Variants in STK32B observed in about 807,000 individuals in gnomAD.
STK32B encodes serine/threonine-protein kinase 32B.
In STK32B, 43 loss-of-function variants were observed where a neutral mutation model predicts 52.6. The ratio of observed to expected loss-of-function variants is 0.82; its 90% CI spans 0.64 to 1.05. STK32B has a LOEUF of 1.05. Ranked by LOEUF, STK32B falls within the 50% of genes least tolerant of loss-of-function variation. The probability of loss-of-function intolerance (pLI) is 0.00; values close to 1 mark genes in which losing one functional copy is unlikely to be tolerated. For missense variants in STK32B, 621 were observed against 534.6 expected (o/e 1.16, Z -1.59); for synonymous variants, 238 against 204.3 (o/e 1.17, Z -1.41).
At chr4:5,164,795 G>T (rs1026655771) in intron 2 of STK32B, among the ~76,000 whole-genome samples, 8 of 152,192 alleles carry the variant, frequency 5.3e-5, no homozygotes, top group African/African-American at 1.9e-4. Context: ...CAAACTCTCT[G>T]TGACTCTGTG....
intron 3 of STK32B, among the ~76,000 whole-genome samples, chr4:5,212,579 G>A (rs569940949): frequency 6.6e-6 from 1 of 152,216 alleles, no homozygotes. Flanking sequence ...CGTGAAGTCA[G>A]AATGCCCTCC....
intron 3 of STK32B, among the ~76,000 whole-genome samples, chr4:5,183,752 C>T (rs574714977): frequency 2.0e-4 from 31 of 152,316 alleles, no homozygotes; most frequent in African/African-American, 7.5e-4. Flanking sequence ...CTTGCTACAG[C>T]TTCTCCATCA....
intron 3 of STK32B, among the ~76,000 whole-genome samples, chr4:5,191,696 T>A (rs1315558539): frequency 6.6e-6 from 1 of 152,218 alleles, no homozygotes; most frequent in East Asian, 1.9e-4. Flanking sequence ...ACCCGCAGCC[T>A]GCTTCGTCGG....
At chr4:5,440,159 A>G (rs1714579197) in intron 6 of STK32B, among the ~76,000 whole-genome samples, 1 of 152,150 alleles carries the variant, frequency 6.6e-6, no homozygotes, top group South Asian at 2.1e-4. Context: ...TGGTAGCTTG[A>G]TGGGGATGGC....
At chr4:5,218,591 C>T (rs982498552) in intron 3 of STK32B, among the ~76,000 whole-genome samples, 3 of 152,310 alleles carry the variant, frequency 2.0e-5, no homozygotes, top group Admixed American at 6.5e-5. Flanking sequence ...GTTCTCATTC[C>T]AGACATGCTG....
chr4:5,212,872 G>A (rs767959258), intron 3 of STK32B, among the ~76,000 whole-genome samples: 7 of 152,038 alleles, frequency 4.6e-5, no homozygotes, highest in Non-Finnish European at 7.4e-5. Context: ...TGACCCTGGC[G>A]GAGATAAATC....
intron 6 of STK32B, among the ~76,000 whole-genome samples, chr4:5,441,356 T>G (rs1002452195): frequency 6.6e-6 from 1 of 151,140 alleles, no homozygotes; most frequent in Admixed American, 6.6e-5. Flanking sequence ...GTCCAGGAAT[T>G]TATCCATTTC....
intron 3 of STK32B, among the ~76,000 whole-genome samples, chr4:5,269,989 A>C (rs920275169): frequency 1.3e-5 from 2 of 152,202 alleles, no homozygotes; most frequent in African/African-American, 2.4e-5. Flanking sequence ...GTATATATAC[A>C]AACTGAAAGA....
rs144600728 is a variant in STK32B, at chr4:5,190,053, G to A, written c.260+21603G>A. ...GAGAGCGTACATGATCAGCTCACTT[G>A]GTTACTCACTCACACCGACCCACAC... On this transcript the variant is annotated intron_variant, in intron 3 of 11. Coordinates refer to ENST00000282908, the MANE Select transcript of STK32B (RefSeq NM_018401.3). Among the ~76,000 whole-genome samples the A allele has an allele frequency of 5.6e-4, 85 of 152,144 alleles. 1 individual carries two copies. The Middle Eastern group carries it at 0.017, about 30-fold the overall frequency.
intron 11 of STK32B, among the ~76,000 whole-genome samples, chr4:5,492,504 A>G (rs1367906399): frequency 1.3e-5 from 2 of 151,924 alleles, no homozygotes; most frequent in Non-Finnish European, 2.9e-5. Flanking sequence ...CTAGATATAC[A>G]ATCATGTCGT....
chr4:5,199,733 T>C (rs1437275298), intron 3 of STK32B, among the ~76,000 whole-genome samples: 1 of 152,182 alleles, frequency 6.6e-6, no homozygotes. Flanking sequence ...TCTTTAAATG[T>C]GCTGTACATT....
intron 3 of STK32B, among the ~76,000 whole-genome samples, chr4:5,295,358 C>T (rs1729129932): frequency 6.6e-6 from 1 of 152,046 alleles, no homozygotes; most frequent in African/African-American, 2.4e-5. Flanking sequence ...GTACCAGTTC[C>T]TTTTTATACC....
intron 3 of STK32B, among the ~76,000 whole-genome samples, chr4:5,309,145 C>T (rs1730121397): frequency 6.6e-6 from 1 of 151,816 alleles, no homozygotes; most frequent in Admixed American, 6.6e-5. Flanking sequence ...ATTTCATTTG[C>T]AATAGCTACA....
At chr4:5,270,645 G>A (rs534821273) in intron 3 of STK32B, among the ~76,000 whole-genome samples, 1 of 152,268 alleles carries the variant, frequency 6.6e-6, no homozygotes, top group African/African-American at 2.4e-5. Flanking sequence ...CTGAGATCTG[G>A]AACAAATATC....
rs889596965 is a variant in STK32B at position 5,400,196 on chromosome 4, C to G, written c.472+1952C>G. Among the ~76,000 whole-genome samples, 8 of 152,206 alleles carry G rather than the reference C, an allele frequency of 5.3e-5. No homozygotes were observed. Among genetic ancestry groups the G allele is most frequent in the African/African-American group, 1.9e-4 (8 of 41,450 alleles). On this transcript the variant is annotated intron_variant, in intron 5 of 11. Coordinates refer to ENST00000282908, the MANE Select transcript of STK32B (RefSeq NM_018401.3). This position sits in a 1 kb window ranked among gnomAD's most constrained non-coding sequence, Gnocchi z 6.1. ...TCCTCACAGACCTTGGCCACAGCTC[C>G]CCTGAAGCTGCTGCACAAAAGATAT...
chr4:5,069,084 G>A (rs1390818380), intron 1 of STK32B, among the ~76,000 whole-genome samples: 4 of 152,114 alleles, frequency 2.6e-5, no homozygotes, highest in African/African-American at 4.8e-5. Context: ...ATGAGCAGTA[G>A]TGCTGCATGG....
intron 2 of STK32B, among the ~76,000 whole-genome samples, chr4:5,161,120 C>T (rs1181895010): frequency 6.6e-6 from 1 of 152,162 alleles, no homozygotes; most frequent in Non-Finnish European, 1.5e-5. Context: ...AGAGTGATGT[C>T]CTCATGGCTG....
In STK32B at chr4:5,361,364, T is replaced by G. The variant is rs74430266; in HGVS notation, c.434+29971T>G. ...GTGGAATTGCTGGATCATATAGTAA[T>G]TCTATTTTAATTTTCTATTTTTATT... On this transcript the variant is annotated intron_variant, in intron 4 of 11. Transcript: ENST00000282908. Among the ~76,000 whole-genome samples the G allele has an allele frequency of 2.8e-3, 434 of 152,294 alleles. 3 individuals are homozygous for G. The highest frequency in any genetic ancestry group is 9.9e-3 in the African/African-American group (411 of 41,556).
chr4:5,179,396 A>G (rs530003669), intron 3 of STK32B, among the ~76,000 whole-genome samples: 1 of 152,346 alleles, frequency 6.6e-6, no homozygotes, highest in South Asian at 2.1e-4. Flanking sequence ...TATATCAGAT[A>G]AATAGGTGTA....
Sources: gnomAD v4.1 joint callset for allele counts (sites outside exome capture counted in the v4.1 genomes callset) on GRCh38, gnomAD v4.1.1 for gene constraint, Gnocchi (gnomAD v3.1) non-coding constraint, MANE v1.5 for transcripts, NCBI Gene and HGNC (gene_info 2026-07-23, HGNC 2026-07-21) for gene names.